Variants in ST3GAL3 observed in about 807,000 individuals in gnomAD.
The protein encoded by ST3GAL3 is CMP-N-acetylneuraminate-beta-1,4-galactoside alpha-2,3-sialyltransferase.
ST3GAL3 carries 21 observed loss-of-function variants against 50.1 expected under a neutral mutation model. The ratio of observed to expected loss-of-function variants is 0.42; its 90% CI spans 0.30 to 0.60. The LOEUF is 0.60. Ranked by LOEUF, ST3GAL3 falls within the 20% of genes least tolerant of loss-of-function variation. ST3GAL3 has a pLI of 0.19. For synonymous variants in ST3GAL3, 183 were observed against 190.0 expected (o/e 0.96, Z 0.30); for missense variants, 353 against 489.4 (o/e 0.72, Z 2.63).
chr1:43,862,045 AAG>A lies in ST3GAL3; in HGVS notation c.302+23740_302+23741del, dbSNP rs1297198955. ...ATCTGTCTTAAAAAAAAAAAAAAAA[AAG>A]AGAGACAACTACTGCTTTTACTTCA... On this transcript the variant is annotated intron_variant, in intron 5 of 11. Transcript: ENST00000347631. Among the ~76,000 whole-genome samples, 9 of 151,642 alleles carry A rather than the reference AAG, an allele frequency of 5.9e-5. No individual in the cohort carries two copies. In the East Asian group the frequency reaches 1.8e-3, roughly 29 times the overall value.
chr1:43,741,131 A>G (rs1680758920), intron 2 of ST3GAL3, among the ~76,000 whole-genome samples: 1 of 152,048 alleles, frequency 6.6e-6, no homozygotes, highest in Admixed American at 6.6e-5. Flanking sequence ...GTTCAAGACC[A>G]GCCTAGGCAA....
intron 5 of ST3GAL3, among the ~76,000 whole-genome samples, chr1:43,874,231 T>C (rs373985523): frequency 3.9e-5 from 6 of 152,330 alleles, no homozygotes; most frequent in African/African-American, 1.4e-4. Context: ...CAAATCACAA[T>C]GTATGGTTAC....
At chr1:43,763,208 C>G (rs1355919583) in intron 2 of ST3GAL3, among the ~76,000 whole-genome samples, 3 of 152,068 alleles carry the variant, frequency 2.0e-5, no homozygotes, top group African/African-American at 7.2e-5. Flanking sequence ...TACTCTGCAC[C>G]TGAAGATGAG....
chr1:43,825,757 GA>G (rs1386046164), intron 4 of ST3GAL3, among the ~76,000 whole-genome samples: 1 of 152,182 alleles, frequency 6.6e-6, no homozygotes, highest in Non-Finnish European at 1.5e-5. Flanking sequence ...CCGCAGGAAG[GA>G]AATTTGATTA....
chr1:43,898,149 C>G (rs2077663397), intron 6 of ST3GAL3, 86 bp from the exon 7 acceptor site: 1 of 1,436,448 alleles, frequency 7.0e-7, no homozygotes, highest in East Asian at 2.3e-5. Context: ...CCCCTAGGGA[C>G]TTGTGTCTTC....
rs1429944484 is a variant in ST3GAL3, at chr1:43,920,945, G to A, written c.1038+17G>A. On this transcript the variant is annotated intron_variant, in intron 11 of 11. Transcript: ENST00000347631. ...ATCAAAGAGGTTCGGGGCTGGGTAT[G>A]GGGGCAATCCCTGGGTGGGGATGAG... 1 of 1,594,242 alleles carries A rather than the reference G, an allele frequency of 6.3e-7. No homozygotes were observed. Among genetic ancestry groups the A allele is most frequent in the Admixed American group, 1.8e-5 (1 of 56,458 alleles).
intron 9 of ST3GAL3, 57 bp from the exon 10 acceptor site, chr1:43,920,347 C>T (rs1162682074): frequency 2.5e-6 from 4 of 1,612,654 alleles, no homozygotes; most frequent in African/African-American, 2.7e-5. Context: ...CTGCCACTCC[C>T]CTAGGCTCAT....
intron 4 of ST3GAL3, among the ~76,000 whole-genome samples, chr1:43,837,932 G>A (rs1466044097): frequency 6.6e-6 from 1 of 151,976 alleles, no homozygotes; most frequent in South Asian, 2.1e-4. Context: ...AAGCCTTAAT[G>A]TGGAAAAGTG....
intron 5 of ST3GAL3, among the ~76,000 whole-genome samples, chr1:43,861,882 G>T (rs976022475): frequency 2.6e-5 from 4 of 152,280 alleles, no homozygotes; most frequent in African/African-American, 9.6e-5. Flanking sequence ...TACAAAATTA[G>T]CCGGGCGTGT....
At chr1:43,835,717 T>C (rs2064218355) in intron 4 of ST3GAL3, among the ~76,000 whole-genome samples, 1 of 152,218 alleles carries the variant, frequency 6.6e-6, no homozygotes, top group South Asian at 2.1e-4. Context: ...ATTTCTGCAC[T>C]GCACTGTGTT....
chr1:43,746,045 C>T (rs937436626), intron 2 of ST3GAL3, among the ~76,000 whole-genome samples: 5 of 152,208 alleles, frequency 3.3e-5, no homozygotes, highest in African/African-American at 1.2e-4. Flanking sequence ...TGCCTAACAG[C>T]GCAGTTCTTA....
chr1:43,880,924 A>G (rs1473569657), intron 5 of ST3GAL3, among the ~76,000 whole-genome samples: 3 of 152,054 alleles, frequency 2.0e-5, no homozygotes, highest in African/African-American at 4.8e-5. Context: ...TACTGTTGTT[A>G]TTATTGTGAC....
At chr1:43,848,430 C>T (rs575580537) in intron 5 of ST3GAL3, among the ~76,000 whole-genome samples, 1 of 151,518 alleles carries the variant, frequency 6.6e-6, no homozygotes, top group Admixed American at 6.6e-5. Flanking sequence ...CTCAGCCTCC[C>T]GAGTAGCTGG....
At chr1:43,732,502 C>T (rs2154085939) in intron 1 of ST3GAL3, among the ~76,000 whole-genome samples, 1 of 152,308 alleles carries the variant, frequency 6.6e-6, no homozygotes, top group African/African-American at 2.4e-5. Context: ...GTAGAAATAG[C>T]TTCCTGCCGT....
At chr1:43,858,248 A>T (rs1456671708) in intron 5 of ST3GAL3, 3 of 1,289,138 alleles carry the variant, frequency 2.3e-6, no homozygotes, top group Non-Finnish European at 3.0e-6. Context: ...TGGAGGAGTG[A>T]TGAGAGATTG....
At chr1:43,910,788 A>G (rs544997851) in intron 9 of ST3GAL3, among the ~76,000 whole-genome samples, 86 of 152,366 alleles carry the variant, frequency 5.6e-4, no homozygotes, top group African/African-American at 1.9e-3. Context: ...ATAATTCAGT[A>G]TAACCGGGGT....
chr1:43,725,425 C>T (rs1046402255), intron 1 of ST3GAL3, among the ~76,000 whole-genome samples: 17 of 152,014 alleles, frequency 1.1e-4, no homozygotes, highest in African/African-American at 3.6e-4. Flanking sequence ...TGGTCTTGAA[C>T]TGACCTCAGG....
intron 4 of ST3GAL3, among the ~76,000 whole-genome samples, chr1:43,817,711 C>T (rs1359015187): frequency 7.1e-6 from 1 of 141,242 alleles, no homozygotes; most frequent in African/African-American, 2.6e-5. Flanking sequence ...CTTCCTTCTC[C>T]TTCTCCTCCT....
At chr1:43,752,037 G>A (rs12125928) in intron 2 of ST3GAL3, among the ~76,000 whole-genome samples, 48,632 of 151,808 alleles carry the variant, frequency 0.32, 9,334 homozygotes, top group East Asian at 0.53. Context: ...GGCTGGTCTC[G>A]AACTCCTGAC....
Sources: allele counts gnomAD v4.1 joint callset (sites outside exome capture counted in the v4.1 genomes callset), GRCh38; gene constraint gnomAD v4.1.1; transcripts MANE v1.5; gene names NCBI Gene and HGNC (gene_info 2026-07-23, HGNC 2026-07-21).